SLC9A9: variants seen among roughly 807,000 people sequenced by gnomAD.
SLC9A9 encodes solute carrier family 9 member A9, also known as sodium/hydrogen exchanger 9.
In SLC9A9, 62 loss-of-function variants were observed where a neutral mutation model predicts 77.8. The ratio of observed to expected loss-of-function variants is 0.80; its 90% CI spans 0.65 to 0.98. The LOEUF (loss-of-function observed/expected upper bound fraction) is 0.98, where lower values mean the gene tolerates loss of function less well. SLC9A9 is among the 50% of genes least tolerant of loss of function. The pLI, the probability that SLC9A9 is intolerant of heterozygous loss-of-function variation, is 0.00. For synonymous variants in SLC9A9, 320 were observed against 283.5 expected, an observed-to-expected ratio of 1.13 and a Z score of -1.29; for missense variants, 775 against 774.9, an observed-to-expected ratio of 1.00 and a Z score of 0.00.
At chr3:143,436,155 G>T (rs377534600) in intron 12 of SLC9A9, among the ~76,000 whole-genome samples, 38 of 152,140 alleles carry the variant, frequency 2.5e-4, no homozygotes, top group Admixed American at 7.9e-4. Flanking sequence ...AGGGCTGGGG[G>T]TGTCCACTGG....
intron 4 of SLC9A9, among the ~76,000 whole-genome samples, chr3:143,746,987 T>C (rs1445045880): frequency 2.0e-5 from 3 of 152,106 alleles, no homozygotes; most frequent in Admixed American, 6.5e-5. Context: ...AAGCCTTTTT[T>C]CCCCCTCAAA....
chr3:143,449,795 A>T (rs1168250404), intron 12 of SLC9A9, among the ~76,000 whole-genome samples: 1 of 77,708 alleles, frequency 1.3e-5, no homozygotes, highest in Non-Finnish European at 2.1e-5. Context: ...ATAATTATAT[A>T]TATTTTATAT....
intron 7 of SLC9A9, among the ~76,000 whole-genome samples, chr3:143,577,996 T>A (rs1029613971): frequency 1.3e-5 from 2 of 152,136 alleles, no homozygotes; most frequent in African/African-American, 4.8e-5. Flanking sequence ...CCATCTATCA[T>A]CCCAACTTCC....
intron 14 of SLC9A9, among the ~76,000 whole-genome samples, chr3:143,308,556 A>T (rs1432821620): frequency 6.6e-6 from 1 of 150,856 alleles, no homozygotes; most frequent in African/African-American, 2.4e-5. Flanking sequence ...AGCCTGGGCG[A>T]CAGAGCGAGA....
At chr3:143,830,192 A>G (rs909097180) in intron 2 of SLC9A9, among the ~76,000 whole-genome samples, 1 of 152,198 alleles carries the variant, frequency 6.6e-6, no homozygotes, top group Non-Finnish European at 1.5e-5. Flanking sequence ...GCCATGTAAT[A>G]CAGTAAGTAT....
intron 13 of SLC9A9, among the ~76,000 whole-genome samples, chr3:143,373,437 T>C (rs1436212978): frequency 6.6e-6 from 1 of 151,862 alleles, no homozygotes; most frequent in African/African-American, 2.4e-5. Flanking sequence ...ATAATGAAAT[T>C]GAGAGACTTA....
chr3:143,269,462 A>G (rs377128077), intron 14 of SLC9A9, among the ~76,000 whole-genome samples: 2 of 152,240 alleles, frequency 1.3e-5, no homozygotes, highest in East Asian at 3.8e-4. Context: ...CTTTTTCACT[A>G]TTCAACAGTC....
chr3:143,606,557 G>T (rs2037932832), intron 6 of SLC9A9, among the ~76,000 whole-genome samples: 1 of 149,304 alleles, frequency 6.7e-6, no homozygotes, highest in Non-Finnish European at 1.5e-5. Context: ...CAGCCTGAAA[G>T]ATTTTCTAAA....
At chr3:143,362,767 C>T (rs556213510) in intron 14 of SLC9A9, among the ~76,000 whole-genome samples, 3 of 152,232 alleles carry the variant, frequency 2.0e-5, no homozygotes, top group East Asian at 3.9e-4. Flanking sequence ...GGAGCTTTTG[C>T]CTGGGATTAG....
In SLC9A9 at chr3:143,266,536, C is replaced by A. The variant is rs921858775; in HGVS notation, c.*166G>T. On this transcript the variant is annotated 3_prime_UTR_variant, in exon 16 of 16. Transcript: ENST00000316549. Reference sequence around the variant, plus strand: ...ATAATAGAGAGGGATAATAAAATCTCATTTCTTCAGGCACCAGAGGATCCA... The same window carrying A: ...ATAATAGAGAGGGATAATAAAATCTAATTTCTTCAGGCACCAGAGGATCCA... 1.4e-5 allele frequency: 10 copies of A among 708,890 alleles called. No individual in the cohort carries two copies. Among genetic ancestry groups the A allele is most frequent in the Admixed American group, 2.4e-5 (1 of 42,502 alleles). The allele number at this position is 708,890 out of a possible 1,614,324, so 43.9% of individuals were successfully genotyped here. A position where few individuals can be genotyped will look rare whatever the true frequency, so the allele number is the denominator to read the frequency against.
chr3:143,284,975 G>C (rs376265293), intron 14 of SLC9A9, among the ~76,000 whole-genome samples: 76 of 152,238 alleles, frequency 5.0e-4, no homozygotes, highest in African/African-American at 1.7e-3. Flanking sequence ...GGCTAGGGAA[G>C]GTAAATATGT....
intron 4 of SLC9A9, among the ~76,000 whole-genome samples, chr3:143,782,054 C>T (rs950679651): frequency 1.3e-5 from 2 of 152,228 alleles, no homozygotes; most frequent in African/African-American, 4.8e-5. Context: ...GTTCTAAGTG[C>T]TTAACAGTAT....
chr3:143,731,752 G>A (rs1056878894), intron 4 of SLC9A9, among the ~76,000 whole-genome samples: 2 of 152,134 alleles, frequency 1.3e-5, no homozygotes, highest in Admixed American at 6.5e-5. Context: ...TCACCCCTCT[G>A]TATCCATTGC....
At chr3:143,807,780 T>C (rs752097732) in intron 2 of SLC9A9, among the ~76,000 whole-genome samples, 2 of 150,928 alleles carry the variant, frequency 1.3e-5, no homozygotes, top group Non-Finnish European at 3.0e-5. Context: ...GCAACAGCTG[T>C]GTGTGTTCAG....
chr3:143,291,805 T>G (rs963292148), intron 14 of SLC9A9, among the ~76,000 whole-genome samples: 1 of 152,210 alleles, frequency 6.6e-6, no homozygotes. Context: ...CAAAACTCCA[T>G]AAAGGTACAA....
At chr3:143,471,446 T>A (rs2035376776) in intron 11 of SLC9A9, among the ~76,000 whole-genome samples, 1 of 152,138 alleles carries the variant, frequency 6.6e-6, no homozygotes, top group Admixed American at 6.5e-5. Context: ...CAATAGAGGA[T>A]TTTAGGATTG....
intron 14 of SLC9A9, among the ~76,000 whole-genome samples, chr3:143,272,283 C>A (rs1390313208): frequency 3.3e-5 from 5 of 152,210 alleles, no homozygotes; most frequent in African/African-American, 1.2e-4. Context: ...AGGAAAGGAA[C>A]CATTACATTA....
intron 2 of SLC9A9, among the ~76,000 whole-genome samples, chr3:143,816,204 TTTTAC>T: frequency 6.6e-6 from 1 of 152,172 alleles, no homozygotes; most frequent in Non-Finnish European, 1.5e-5. Context: ...GCTTGTATAT[TTTTAC>T]TTTATTATAT....
chr3:143,484,105 G>T (rs1339479960), intron 11 of SLC9A9, among the ~76,000 whole-genome samples: 1 of 152,090 alleles, frequency 6.6e-6, no homozygotes, highest in Admixed American at 6.6e-5. Flanking sequence ...GTGAAGAAAG[G>T]CTTCATCTAA....
Sources: allele counts gnomAD v4.1 joint callset (sites outside exome capture counted in the v4.1 genomes callset), GRCh38; gene constraint gnomAD v4.1.1; transcripts MANE v1.5; gene names NCBI Gene and HGNC (gene_info 2026-07-23, HGNC 2026-07-21).